Variants in IL5RA observed in about 807,000 individuals in gnomAD.
IL5RA encodes interleukin 5 receptor subunit alpha.
In IL5RA, 49 loss-of-function variants were observed where a neutral mutation model predicts 50.0. The ratio of observed to expected loss-of-function variants is 0.98; its 90% CI spans 0.78 to 1.24. The LOEUF is 1.24. Ranked by LOEUF, IL5RA falls within the 50% of genes most tolerant of loss-of-function variation. IL5RA has a pLI of 0.00. For missense variants in IL5RA, 600 were observed against 500.4 expected (o/e 1.20, Z -1.90); for synonymous variants, 202 against 174.0 (o/e 1.16, Z -1.26).
At position 3,095,310 on chromosome 3, in the gene IL5RA, C is replaced by G; in HGVS notation, c.844G>C (p.Gly282Arg). ...YEVKIHNTRN[G>R]YLQIEKLMTN... ...ATCTGAGTAATTACCTGCAAATATC[C>G]ATTCCTTGTATTGTGTATTTTTACT... Residue 282 changes from glycine (G) to arginine (R), a missense_variant, in exon 8 of 12, where the codon GGA (glycine) becomes CGA (arginine). Gly to Arg is a moderately radical substitution (Grantham distance 125). Transcript: ENST00000446632. 6.3e-7 allele frequency: 1 copy of G among 1,592,206 alleles called. No individual in the cohort carries two copies. The highest frequency in any genetic ancestry group is 1.1e-5 in the South Asian group (1 of 87,996).
intron 9 of IL5RA, chr3:3,090,184 C>G: frequency 6.2e-7 from 1 of 1,605,864 alleles, no homozygotes; most frequent in South Asian, 1.1e-5. Flanking sequence ...ATCTGCTATC[C>G]CTGCTGTTGT....
Position 3,092,201 on chromosome 3 carries a change from T to C in IL5RA, c.994+23A>G. 6.2e-7 allele frequency: 1 copy of C among 1,605,522 alleles called. No homozygotes were observed. On this transcript the variant is annotated intron_variant, in intron 9 of 11. Transcript: ENST00000446632. The surrounding 1 kb of genome is among the most constrained non-coding windows in gnomAD (Gnocchi z 4.2). ...TTGATCACAAGGAAGGCTGCCAATG[T>C]AAAATAAACATAAGCTACTTACCCA...
Position 3,098,257 on chromosome 3 carries a change from C to G in IL5RA, c.401G>C (p.Cys134Ser). The change falls in exon 6 of 12, where the codon TGC (cysteine) becomes TCC (serine). Residue 134 changes from cysteine (C) to serine (S), a missense_variant. Coordinates refer to ENST00000446632, the MANE Select transcript of IL5RA (RefSeq NM_175726.4). ...SPGTSIVNLT[C>S]TTNTTEDNYS... ...ATTGTCTTCTGTAGTGTTTGTGGTG[C>G]AAGTTAAATTCACAATTGAGGTTCC... is the stretch of plus-strand genomic sequence containing the variant. 1 of 1,614,010 alleles carries G rather than the reference C, an allele frequency of 6.2e-7. No individual in the cohort carries two copies. Among genetic ancestry groups the G allele is most frequent in the Non-Finnish European group, 8.5e-7 (1 of 1,179,940 alleles).
intron 9 of IL5RA, among the ~76,000 whole-genome samples, chr3:3,083,935 C>T (rs547725579): frequency 6.6e-6 from 1 of 151,912 alleles, no homozygotes; most frequent in Admixed American, 6.6e-5. Flanking sequence ...ATTCCAGCTA[C>T]TCCGGTGGCT....
chr3:3,090,798 C>G lies in IL5RA; in HGVS notation c.994+1426G>C, dbSNP rs138386629. Among the ~76,000 whole-genome samples the G allele has an allele frequency of 5.7e-3, 867 of 152,154 alleles. 37 individuals are homozygous for G. Among genetic ancestry groups the G allele is most frequent in the Admixed American group, 0.039 (598 of 15,292 alleles). On this transcript the variant is annotated intron_variant, in intron 9 of 11. Transcript: ENST00000446632. ...CCATGTTACCGAGGATGGTCTCGATCTCCTGACCTCGTGATCTGCCCATCT... is the reference window on the plus strand; with the variant it reads ...CCATGTTACCGAGGATGGTCTCGATGTCCTGACCTCGTGATCTGCCCATCT...
At position 3,104,925 on chromosome 3, in the gene IL5RA, A is replaced by T. The variant is rs1487923346; in HGVS notation, c.60T>A (p.Ala20=). Residue 20 remains alanine, a synonymous_variant, in exon 3 of 12, where the codon GCT becomes GCA. Transcript: ENST00000446632. The part of the protein sequence containing the change: ...ILLGATEILQ[A]DLLPDEKISL... ...TACTCTTTTCATCAGGAAGTAAGTC[A>T]GCTTGCAGTATCTCAGTGGCCCCCA... is the stretch of plus-strand genomic sequence containing the variant. 6.2e-7 allele frequency: 1 copy of T among 1,611,212 alleles called. No individual in the cohort carries two copies. Among genetic ancestry groups the T allele is most frequent in the Non-Finnish European group, 8.5e-7 (1 of 1,177,426 alleles).
At chr3:3,083,260 T>A (rs1380047886) in intron 9 of IL5RA, among the ~76,000 whole-genome samples, 1 of 152,132 alleles carries the variant, frequency 6.6e-6, no homozygotes, top group East Asian at 1.9e-4. Context: ...GGGAGGTACC[T>A]GGTTTAGAGA....
At chr3:3,102,645 A>G (rs777862265) in intron 4 of IL5RA, 30 bp downstream of exon 4, 5 of 1,458,110 alleles carry the variant, frequency 3.4e-6, no homozygotes, top group East Asian at 2.3e-5. Context: ...TTTATTCTCA[A>G]TAAGGATATC....
chr3:3,081,121 T>A (rs540814295), intron 9 of IL5RA, among the ~76,000 whole-genome samples: 2 of 152,366 alleles, frequency 1.3e-5, no homozygotes, highest in African/African-American at 4.8e-5. Context: ...GCAAAGCTTT[T>A]GTCTTCCTAA....
At chr3:3,098,901 G>T (rs1220771730) in intron 5 of IL5RA, among the ~76,000 whole-genome samples, 2 of 152,198 alleles carry the variant, frequency 1.3e-5, no homozygotes, top group Non-Finnish European at 2.9e-5. Flanking sequence ...TGAGGTTGAT[G>T]TCCGGCAACT....
chr3:3,085,459 C>G (rs990519293), intron 9 of IL5RA, among the ~76,000 whole-genome samples: 1 of 152,050 alleles, frequency 6.6e-6, no homozygotes, highest in Non-Finnish European at 1.5e-5. Context: ...AGGAGAGTGA[C>G]GGGATCAGGA....
At position 3,090,388 on chromosome 3, in the gene IL5RA, G is replaced by A; in HGVS notation, c.994+1836C>T. ...CATCCCATGCTCTTATAGACCTAGT[G>A]CAACAGTTAACGACGTGTGTGTGCC... On this transcript the variant is annotated intron_variant, in intron 9 of 11. Transcript: ENST00000446632. 5 of 675,858 alleles carry A rather than the reference G, an allele frequency of 7.4e-6. No homozygotes were observed. The South Asian group carries it at 9.5e-5, about 13-fold the overall frequency. The allele number at this position is 675,858 out of a possible 1,614,324, so 41.9% of individuals were successfully genotyped here.
At chr3:3,072,738 C>G (rs1267633915) in intron 11 of IL5RA, among the ~76,000 whole-genome samples, 1 of 152,184 alleles carries the variant, frequency 6.6e-6, no homozygotes, top group Non-Finnish European at 1.5e-5. Flanking sequence ...ATGGCGTAAC[C>G]CTGTCTCTAC....
chr3:3,075,888 C>T (rs967049302), intron 10 of IL5RA, among the ~76,000 whole-genome samples: 26 of 152,164 alleles, frequency 1.7e-4, no homozygotes, highest in African/African-American at 6.3e-4. Context: ...GAGTGAGCCC[C>T]CACACCCGGA....
At chr3:3,107,631 T>C (rs976359151) in intron 2 of IL5RA, among the ~76,000 whole-genome samples, 4 of 96,340 alleles carry the variant, frequency 4.2e-5, no homozygotes, top group Non-Finnish European at 1.0e-4. Context: ...CTATAGGTTG[T>C]TTATCTATCA....
At chr3:3,100,130 G>A (rs972007491) in intron 5 of IL5RA, among the ~76,000 whole-genome samples, 1 of 152,088 alleles carries the variant, frequency 6.6e-6, no homozygotes, top group Non-Finnish European at 1.5e-5. Context: ...GTTGCTCAGA[G>A]AAGGAAACAA....
chr3:3,073,563 C>G (rs1702373241), intron 11 of IL5RA, among the ~76,000 whole-genome samples: 1 of 152,090 alleles, frequency 6.6e-6, no homozygotes, highest in Non-Finnish European at 1.5e-5. Context: ...TTTCTTGAGC[C>G]CTGATCTAAA....
Position 3,092,878 on chromosome 3 carries a change from CGGA to C in IL5RA, c.856-519_856-517del, listed in dbSNP as rs1703189969. ...CTGACACCTGTATCTTGAATACCCC[CGGA>C]GGTGTTTCTCCCTTTTTTACTCCAG... On this transcript the variant is annotated intron_variant, in intron 8 of 11. Transcript: ENST00000446632. This position sits in a 1 kb window ranked among gnomAD's most constrained non-coding sequence, Gnocchi z 4.2. Among the ~76,000 whole-genome samples the C allele has an allele frequency of 6.6e-6, 1 of 152,126 alleles. No individual in the cohort carries two copies. Among genetic ancestry groups the C allele is most frequent in the Non-Finnish European group, 1.5e-5 (1 of 68,020 alleles).
intron 11 of IL5RA, among the ~76,000 whole-genome samples, chr3:3,073,566 G>A (rs1702373310): frequency 6.6e-6 from 1 of 152,132 alleles, no homozygotes; most frequent in Non-Finnish European, 1.5e-5. Context: ...CTTGAGCCCT[G>A]ATCTAAATAA....
Sources: allele counts gnomAD v4.1 joint callset (sites outside exome capture counted in the v4.1 genomes callset), GRCh38; gene constraint gnomAD v4.1.1; non-coding constraint Gnocchi (gnomAD v3.1); transcripts MANE v1.5; gene names NCBI Gene and HGNC (gene_info 2026-07-23, HGNC 2026-07-21).